LDB2: variants seen among roughly 807,000 people sequenced by gnomAD.
The protein encoded by LDB2 is LIM domain-binding protein 2.
LDB2 carries 12 observed loss-of-function variants against 44.3 expected under a neutral mutation model. The ratio of observed to expected loss-of-function variants is 0.27; its 90% CI spans 0.17 to 0.44. LDB2 has a LOEUF of 0.44. LDB2 is among the 20% of genes least tolerant of loss of function. LDB2 has a pLI of 1.00. For missense variants in LDB2, 344 were observed against 473.5 expected, an observed-to-expected ratio of 0.73 and a Z score of 2.54; for synonymous variants, 164 against 174.8, an observed-to-expected ratio of 0.94 and a Z score of 0.49.
Position 16,870,499 on chromosome 4 carries a change from C to T in LDB2, c.132+27855G>A, listed in dbSNP as rs190368267. Among the ~76,000 whole-genome samples the T allele has an allele frequency of 3.9e-4, 60 of 152,100 alleles. 1 individual carries two copies. The East Asian group carries it at 9.7e-3, about 25-fold the overall frequency. ...AGAGCATATGGGGACCTGCGGTCAC[C>T]CCCACTCCCCTTAACATCCCTCTTT... On this transcript the variant is annotated intron_variant, in intron 1 of 7. Coordinates refer to ENST00000304523, the MANE Select transcript of LDB2 (RefSeq NM_001290.5).
chr4:16,702,426 C>T (rs537285360), intron 2 of LDB2, among the ~76,000 whole-genome samples: 9 of 152,186 alleles, frequency 5.9e-5, no homozygotes, highest in Non-Finnish European at 8.8e-5. Flanking sequence ...GCCTGAATCA[C>T]CTGAACATGT....
intron 1 of LDB2, among the ~76,000 whole-genome samples, chr4:16,818,502 T>C (rs1781352558): frequency 6.6e-6 from 1 of 152,220 alleles, no homozygotes; most frequent in South Asian, 2.1e-4. Flanking sequence ...TATTTTGAAT[T>C]TGTTGATCAT....
At chr4:16,898,021 T>C (rs1292547533) in intron 1 of LDB2, among the ~76,000 whole-genome samples, 1 of 146,212 alleles carries the variant, frequency 6.8e-6, no homozygotes. Context: ...ATCACAAAAT[T>C]CCTTGGAATT....
At chr4:16,553,650 T>G (rs993058025) in intron 5 of LDB2, among the ~76,000 whole-genome samples, 5 of 152,230 alleles carry the variant, frequency 3.3e-5, no homozygotes, top group African/African-American at 1.2e-4. Flanking sequence ...AGAAAGCTTC[T>G]TTTCCTATCA....
intron 1 of LDB2, among the ~76,000 whole-genome samples, chr4:16,792,675 G>A (rs1411508286): frequency 6.6e-6 from 1 of 152,168 alleles, no homozygotes; most frequent in Non-Finnish European, 1.5e-5. Context: ...ACAGATAAAT[G>A]TGAAAAGCTG....
At chr4:16,624,162 G>A (rs1729648253) in intron 2 of LDB2, among the ~76,000 whole-genome samples, 1 of 152,302 alleles carries the variant, frequency 6.6e-6, no homozygotes, top group East Asian at 1.9e-4. Flanking sequence ...GTAACTATGT[G>A]AGACGAACAT....
chr4:16,538,195 C>G (rs1732503515), intron 5 of LDB2, among the ~76,000 whole-genome samples: 2 of 152,140 alleles, frequency 1.3e-5, no homozygotes, highest in African/African-American at 4.8e-5. Context: ...AATCACTCTC[C>G]AGTGAGCCTG....
At chr4:16,722,184 G>T (rs1189293875) in intron 2 of LDB2, among the ~76,000 whole-genome samples, 4 of 152,050 alleles carry the variant, frequency 2.6e-5, no homozygotes, top group African/African-American at 7.2e-5. Context: ...ATGTATTTTG[G>T]TTGTTTTTCT....
intron 1 of LDB2, among the ~76,000 whole-genome samples, chr4:16,785,553 A>G (rs1425122311): frequency 6.6e-6 from 1 of 152,204 alleles, no homozygotes; most frequent in Non-Finnish European, 1.5e-5. Context: ...GCCGGGCAGC[A>G]GCCGCATCGG....
intron 2 of LDB2, among the ~76,000 whole-genome samples, chr4:16,707,220 G>A (rs1322239776): frequency 6.6e-6 from 1 of 152,066 alleles, no homozygotes; most frequent in Non-Finnish European, 1.5e-5. Flanking sequence ...GTCATTTTAT[G>A]CCACTGAGAA....
intron 1 of LDB2, among the ~76,000 whole-genome samples, chr4:16,884,473 C>T (rs1373564409): frequency 6.6e-6 from 1 of 152,182 alleles, no homozygotes; most frequent in Non-Finnish European, 1.5e-5. Flanking sequence ...CACACTAACA[C>T]ATACACCCCA....
intron 1 of LDB2, among the ~76,000 whole-genome samples, chr4:16,763,877 G>A (rs1768565703): frequency 6.6e-6 from 1 of 151,898 alleles, no homozygotes; most frequent in South Asian, 2.1e-4. Context: ...TTTGCTTGTT[G>A]GGTAAGTGGG....
At position 16,645,490 on chromosome 4, in the gene LDB2, T is replaced by C. The variant is rs565798150; in HGVS notation, c.236-49615A>G. ...AAGCGGAGCCTGCAGTGAGCCGAGA[T>C]TGCGCCACTGCAGTCCGCAGTCCGG... On this transcript the variant is annotated intron_variant, in intron 2 of 7. Transcript: ENST00000304523. Among the ~76,000 whole-genome samples the C allele has an allele frequency of 8.4e-3, 1,212 of 143,654 alleles. 14 individuals carry two copies. The highest frequency in any genetic ancestry group is 0.03 in the African/African-American group (1,160 of 38,490). 94.2% of individuals were successfully genotyped at this position (143,654 alleles called of 152,430 possible). A position where few individuals can be genotyped will look rare whatever the true frequency, so the allele number is the denominator to read the frequency against.
chr4:16,648,964 A>AT (rs78918685), intron 2 of LDB2, among the ~76,000 whole-genome samples: 8 of 151,780 alleles, frequency 5.3e-5, no homozygotes, highest in South Asian at 2.1e-4. Flanking sequence ...CAATAATTTG[A>AT]TTTTTTTTTA....
At chr4:16,710,186 A>G (rs1224165796) in intron 2 of LDB2, among the ~76,000 whole-genome samples, 1 of 152,230 alleles carries the variant, frequency 6.6e-6, no homozygotes, top group Admixed American at 6.5e-5. Flanking sequence ...TTCTGCCTTC[A>G]TAAATAAAAC....
chr4:16,850,540 G>A lies in LDB2; in HGVS notation c.132+47814C>T, dbSNP rs573884354. On this transcript the variant is annotated intron_variant, in intron 1 of 7. Coordinates refer to ENST00000304523, the MANE Select transcript of LDB2 (RefSeq NM_001290.5). ...ACAGAGGAGAACACAAGGATGTCAGGTTTCCCACATTGTAGAAATTTGAAC... is the reference window on the plus strand; with the variant it reads ...ACAGAGGAGAACACAAGGATGTCAGATTTCCCACATTGTAGAAATTTGAAC... 3.3e-5 allele frequency among the ~76,000 whole-genome samples: 5 copies of A among 152,200 alleles called. No homozygotes were observed. In the South Asian group the frequency reaches 8.3e-4, roughly 25 times the overall value.
intron 5 of LDB2, among the ~76,000 whole-genome samples, chr4:16,545,049 A>G (rs13110049): frequency 0.3 from 44,890 of 151,574 alleles, 7,403 homozygotes; most frequent in African/African-American, 0.45. Context: ...CGAAGGGAAG[A>G]AGTATTTCAT....
At chr4:16,562,485 T>A (rs2152382080) in intron 5 of LDB2, among the ~76,000 whole-genome samples, 1 of 152,306 alleles carries the variant, frequency 6.6e-6, no homozygotes, top group South Asian at 2.1e-4. Flanking sequence ...TCACTGGCCA[T>A]CAGAGAAATG....
chr4:16,540,150 G>A (rs1293708957), intron 5 of LDB2, among the ~76,000 whole-genome samples: 1 of 152,072 alleles, frequency 6.6e-6, no homozygotes, highest in Non-Finnish European at 1.5e-5. Flanking sequence ...CAGCAAGGGG[G>A]AAATATGCCT....
Sources: gnomAD v4.1 joint callset for allele counts (sites outside exome capture counted in the v4.1 genomes callset) on GRCh38, gnomAD v4.1.1 for gene constraint, MANE v1.5 for transcripts, NCBI Gene and HGNC (gene_info 2026-07-23, HGNC 2026-07-21) for gene names.